Variants in TBX18 observed in about 807,000 individuals in gnomAD.
TBX18 encodes T-box transcription factor TBX18.
Under a neutral mutation model 55.0 loss-of-function variants are expected in TBX18, and 21 were observed. The ratio of observed to expected loss-of-function variants is 0.38; its 90% CI spans 0.27 to 0.55. TBX18 has a LOEUF of 0.55. Among genes scored for constraint, TBX18 ranks in the 20% least tolerant of loss-of-function variants. The pLI is 0.73. For synonymous variants in TBX18, 342 were observed against 326.1 expected (o/e 1.05, Z -0.53); for missense variants, 840 against 799.6 (o/e 1.05, Z -0.61).
chr6:84,761,634 T>A (rs1487769085), intron 2 of TBX18, among the ~76,000 whole-genome samples: 6 of 152,216 alleles, frequency 3.9e-5, no homozygotes, highest in African/African-American at 1.4e-4. Context: ...TTGTGTGTGC[T>A]TTCTAAAGTT....
chr6:84,745,849 T>C (rs1322351671), intron 5 of TBX18, among the ~76,000 whole-genome samples: 2 of 152,144 alleles, frequency 1.3e-5, no homozygotes, highest in African/African-American at 4.8e-5. Flanking sequence ...ATGTACACTG[T>C]GCTAAGTTTT....
At position 84,735,113 on chromosome 6, in the gene TBX18, AG is replaced by A. The variant is rs1340981084; in HGVS notation, c.*1571del. ...CCCACCAAATCCAGGGATGAGTTAAAGCAACTCTTTTTAGCAATGAGAGAAA... is the reference window on the plus strand; with the variant it reads ...CCCACCAAATCCAGGGATGAGTTAAACAACTCTTTTTAGCAATGAGAGAAA... On this transcript the variant is annotated 3_prime_UTR_variant, in exon 8 of 8. Coordinates refer to ENST00000369663, the MANE Select transcript of TBX18 (RefSeq NM_001080508.3). 6.6e-6 allele frequency: 1 copy of A among 152,206 alleles called. No individual in the cohort carries two copies. The highest frequency in any genetic ancestry group is 1.9e-4 in the East Asian group (1 of 5,194). 9.4% of individuals were successfully genotyped at this position (152,206 alleles called of 1,614,324 possible). A position where few individuals can be genotyped will look rare whatever the true frequency, so the allele number is the denominator to read the frequency against.
chr6:84,737,533 AG>A, intron 7 of TBX18, 124 bp from the exon 8 acceptor site: 3 of 1,068,126 alleles, frequency 2.8e-6, no homozygotes, highest in Non-Finnish European at 3.7e-6. Flanking sequence ...AGAGATGAAA[AG>A]GAGATGGTCT....
intron 2 of TBX18, 60 bp downstream of exon 2, chr6:84,762,484 G>T: frequency 6.3e-7 from 1 of 1,586,108 alleles, no homozygotes; most frequent in Non-Finnish European, 8.7e-7. Flanking sequence ...GATTGAGCTA[G>T]AGGTGAGTGA....
At chr6:84,738,886 G>A (rs998533405) in intron 6 of TBX18, among the ~76,000 whole-genome samples, 47 of 152,208 alleles carry the variant, frequency 3.1e-4, no homozygotes, top group African/African-American at 1.1e-3. Flanking sequence ...GAGCTGAGAT[G>A]AAGAGAGTCC....
Position 84,764,494 on chromosome 6 carries a change from C to T in TBX18, c.-313G>A, listed in dbSNP as rs929973313. ...CCGAGGTCTGCCTCAACTGATGCGC[C>T]AGAGAGGACTAACATGGGTAAAAAA... is the stretch of plus-strand genomic sequence containing the variant. On this transcript the variant is annotated 5_prime_UTR_variant, in exon 1 of 8. Coordinates refer to ENST00000369663, the MANE Select transcript of TBX18 (RefSeq NM_001080508.3). The T allele has an allele frequency of 2.8e-6, 1 of 357,214 alleles. No homozygotes were observed. Among genetic ancestry groups the T allele is most frequent in the African/African-American group, 2.1e-5 (1 of 47,400 alleles). The allele number at this position is 357,214 out of a possible 1,614,324, so 22.1% of individuals were successfully genotyped here. A position where few individuals can be genotyped will look rare whatever the true frequency, so the allele number is the denominator to read the frequency against.
chr6:84,746,605 ATATT>A (rs1265444967), intron 5 of TBX18, among the ~76,000 whole-genome samples: 1 of 146,938 alleles, frequency 6.8e-6, no homozygotes, highest in Non-Finnish European at 1.5e-5. Flanking sequence ...TATATCTTAT[ATATT>A]TATTATATTA....
rs1582061324 is a variant in TBX18 at position 84,736,504 on chromosome 6, T to C, written c.*181A>G. 4 of 601,398 alleles carry C rather than the reference T, an allele frequency of 6.7e-6. No homozygotes were observed. The South Asian group carries it at 1.5e-4, about 22-fold the overall frequency. 37.3% of individuals were successfully genotyped at this position (601,398 alleles called of 1,614,324 possible). A position where few individuals can be genotyped will look rare whatever the true frequency, so the allele number is the denominator to read the frequency against. On this transcript the variant is annotated 3_prime_UTR_variant, in exon 8 of 8. Transcript: ENST00000369663. Reference sequence around the variant, plus strand: ...CTCCATGTGCTATGTATATACAGCATACATATATACCATAGATAATTACAA... The same window carrying C: ...CTCCATGTGCTATGTATATACAGCACACATATATACCATAGATAATTACAA...
Position 84,736,988 on chromosome 6 carries a change from G to A in TBX18, c.1521C>T (p.Ala507=), listed in dbSNP as rs141298691. 1.7e-5 allele frequency: 28 copies of A among 1,612,098 alleles called. No homozygotes were observed. The highest frequency in any genetic ancestry group is 3.3e-5 in the Admixed American group (2 of 59,894). The change falls in exon 8 of 8, where the codon GCC becomes GCT. Residue 507 remains alanine (A), a synonymous_variant. Transcript: ENST00000369663. The part of the protein sequence containing the change: ...QYIMPSPSSN[A]FATNQTHQGS... Reference sequence around the variant, plus strand: ...CCTGATGGGTCTGGTTAGTGGCGAAGGCATTGCTGGAGGGTGATGGCATGA... The same window carrying A: ...CCTGATGGGTCTGGTTAGTGGCGAAAGCATTGCTGGAGGGTGATGGCATGA...
intron 3 of TBX18, among the ~76,000 whole-genome samples, chr6:84,758,343 G>A (rs952715778): frequency 6.6e-6 from 1 of 151,190 alleles, no homozygotes; most frequent in Non-Finnish European, 1.5e-5. Context: ...GGGAGGCGGA[G>A]GTTCCAGTGA....
chr6:84,742,983 G>A (rs762197621), intron 6 of TBX18, among the ~76,000 whole-genome samples: 1 of 148,130 alleles, frequency 6.8e-6, no homozygotes, highest in Non-Finnish European at 1.5e-5. Flanking sequence ...AGGTTAACCA[G>A]GAGCTAATGT....
chr6:84,763,115 G>A (rs1314164977), intron 1 of TBX18: 1 of 396,236 alleles, frequency 2.5e-6, no homozygotes, highest in Non-Finnish European at 4.7e-6. Context: ...GAGCTCCCGG[G>A]TCCAGAGTCC....
intron 2 of TBX18, among the ~76,000 whole-genome samples, chr6:84,761,554 T>C (rs564448848): frequency 2.0e-5 from 3 of 152,346 alleles, no homozygotes; most frequent in African/African-American, 7.2e-5. Flanking sequence ...TATGTTTTTT[T>C]GTAATTTCTA....
chr6:84,747,958 T>A lies in TBX18; in HGVS notation c.901A>T (p.Thr301Ser). The stretch of plus-strand genomic sequence containing the variant: ...TAGGCAGTGACGGTTGTGAAGACAG[T>A]TTCTGGAAAGGAGAATGCCTTTACT... ...EGVKAFSFPETVFTTVTAYQN... is the reference protein window; with the variant it reads ...EGVKAFSFPESVFTTVTAYQN... The change falls in exon 5 of 8, where the codon ACT (threonine) becomes TCT (serine). Residue 301 changes from threonine (T) to serine (S), a missense_variant. By Grantham distance (58) the Thr-to-Ser change is moderately conservative. Transcript: ENST00000369663. The A allele has an allele frequency of 6.2e-7, 1 of 1,613,118 alleles. No individual in the cohort carries two copies. The highest frequency in any genetic ancestry group is 8.5e-7 in the Non-Finnish European group (1 of 1,179,254).
At chr6:84,762,991 A>C in intron 1 of TBX18, 1 of 561,696 alleles carries the variant, frequency 1.8e-6, no homozygotes, top group Non-Finnish European at 3.2e-6. Flanking sequence ...AGCCCGGGAG[A>C]GGCGCGCGGG....
At position 84,732,652 on chromosome 6, in the gene TBX18, A is replaced by C. The variant is rs1253301444; in HGVS notation, c.*4033T>G. ...TTATTAATGTCTTTTACTATTCACT[A>C]TAAAGTAGCAAATACGTTACTAAGT... On this transcript the variant is annotated 3_prime_UTR_variant, in exon 8 of 8. Coordinates refer to ENST00000369663, the MANE Select transcript of TBX18 (RefSeq NM_001080508.3). The C allele has an allele frequency of 2.0e-5, 3 of 152,116 alleles. No homozygotes were observed. The highest frequency in any genetic ancestry group is 7.2e-5 in the African/African-American group (3 of 41,442). The allele number at this position is 152,116 out of a possible 1,614,324, so 9.4% of individuals were successfully genotyped here. A position where few individuals can be genotyped will look rare whatever the true frequency, so the allele number is the denominator to read the frequency against.
chr6:84,748,336 T>G (rs1767252722), intron 4 of TBX18, among the ~76,000 whole-genome samples: 1 of 152,226 alleles, frequency 6.6e-6, no homozygotes, highest in Non-Finnish European at 1.5e-5. Context: ...GTGAACTTAA[T>G]ATCAAATTTT....
Position 84,738,518 on chromosome 6 carries a change from T to C in TBX18, c.1078A>G (p.Ile360Val). The part of the protein sequence containing the change: ...PSLRTLTFED[I>V]PGIPKQGNAS... ...TTACCTTGCTTGGGAATTCCAGGGA[T>C]ATCTTCAAAGGTCAGAGTCCGTAGT... The change falls in exon 7 of 8, where the codon ATC (isoleucine) becomes GTC (valine). Residue 360 changes from isoleucine to valine, a missense_variant. By Grantham distance (29) the Ile-to-Val change is conservative. Coordinates refer to ENST00000369663, the MANE Select transcript of TBX18 (RefSeq NM_001080508.3). 1.2e-6 allele frequency: 2 copies of C among 1,614,122 alleles called. No individual in the cohort carries two copies. Among genetic ancestry groups the C allele is most frequent in the Non-Finnish European group, 1.7e-6 (2 of 1,180,010 alleles).
intron 6 of TBX18, among the ~76,000 whole-genome samples, chr6:84,742,993 TAACAA>T (rs2308204): frequency 0.15 from 22,892 of 152,076 alleles, 2,269 homozygotes; most frequent in East Asian, 0.39. Context: ...GGAGCTAATG[TAACAA>T]AACAAAAGAC....
Sources: allele counts gnomAD v4.1 joint callset (sites outside exome capture counted in the v4.1 genomes callset), GRCh38; gene constraint gnomAD v4.1.1; transcripts MANE v1.5; gene names NCBI Gene and HGNC (gene_info 2026-07-23, HGNC 2026-07-21).